Variants in SH3GL3 observed in about 807,000 individuals in gnomAD.
The protein encoded by SH3GL3 is endophilin-A3.
SH3GL3 carries 33 observed loss-of-function variants against 47.7 expected under a neutral mutation model. That is an observed-to-expected ratio of 0.69 (90% CI 0.52 to 0.92). The LOEUF is 0.92. Ranked by LOEUF, SH3GL3 falls within the 40% of genes least tolerant of loss-of-function variation. SH3GL3 has a pLI of 0.00. For synonymous variants in SH3GL3, 155 were observed against 148.8 expected (o/e 1.04, Z -0.30); for missense variants, 363 against 417.8 (o/e 0.87, Z 1.14).
intron 7 of SH3GL3, among the ~76,000 whole-genome samples, chr15:83,588,188 C>CACT (rs1379658494): frequency 6.6e-6 from 1 of 152,158 alleles, no homozygotes; most frequent in East Asian, 1.9e-4. Context: ...CATCTTGGCT[C>CACT]ACCGTAACCT....
At chr15:83,558,765 A>G (rs557933220) in intron 1 of SH3GL3, among the ~76,000 whole-genome samples, 1 of 152,298 alleles carries the variant, frequency 6.6e-6, no homozygotes, top group South Asian at 2.1e-4. Context: ...CTCAAATGCC[A>G]CATCTTCTAG....
rs533910548 is a variant in SH3GL3, at chr15:83,469,423, T to C, written c.45+21845T>C. Among the ~76,000 whole-genome samples the C allele has an allele frequency of 2.0e-5, 3 of 152,314 alleles. No homozygotes were observed. In the East Asian group the frequency reaches 5.8e-4, roughly 29 times the overall value. On this transcript the variant is annotated intron_variant, in intron 1 of 8. Coordinates refer to ENST00000427482, the MANE Select transcript of SH3GL3 (RefSeq NM_003027.5). ...TCTTGAGGGAAATGAGATTATTGAT[T>C]TGAGACCTTTTCTGTCTTCTAAGGT...
intron 6 of SH3GL3, among the ~76,000 whole-genome samples, chr15:83,583,318 A>G (rs529191718): frequency 3.7e-4 from 56 of 152,224 alleles, no homozygotes; most frequent in Admixed American, 6.5e-4. Context: ...CTGGTAAGGG[A>G]TTGCTAAAGG....
intron 1 of SH3GL3, among the ~76,000 whole-genome samples, chr15:83,512,748 C>T (rs972193563): frequency 2.0e-5 from 3 of 151,976 alleles, no homozygotes; most frequent in Non-Finnish European, 4.4e-5. Flanking sequence ...ATGTAGTCAG[C>T]GCTCTGTTTT....
chr15:83,557,356 A>G (rs1301389775), intron 1 of SH3GL3, among the ~76,000 whole-genome samples: 1 of 152,096 alleles, frequency 6.6e-6, no homozygotes, highest in Non-Finnish European at 1.5e-5. Flanking sequence ...TGGAAATGAA[A>G]TTTTTCATTT....
intron 1 of SH3GL3, among the ~76,000 whole-genome samples, chr15:83,549,192 TA>T (rs2044545097): frequency 6.6e-6 from 1 of 152,248 alleles, no homozygotes; most frequent in African/African-American, 2.4e-5. Flanking sequence ...ATAGTTACAT[TA>T]AAAATCATTT....
At chr15:83,630,331 A>T in the SH3GL3 span, among the ~76,000 whole-genome samples, 2 of 152,228 alleles carry the variant, frequency 1.3e-5, no homozygotes, top group African/African-American at 4.8e-5. Flanking sequence ...AAATTGATCA[A>T]TTGGACTTCA....
intron 1 of SH3GL3, among the ~76,000 whole-genome samples, chr15:83,487,344 C>T (rs144977629): frequency 1.2e-3 from 183 of 151,958 alleles, no homozygotes; most frequent in African/African-American, 4.3e-3. Flanking sequence ...GTATGTTCCT[C>T]TGTGCCTTGC....
intron 8 of SH3GL3, among the ~76,000 whole-genome samples, chr15:83,604,004 C>T (rs1474725773): frequency 6.6e-6 from 1 of 152,074 alleles, no homozygotes; most frequent in East Asian, 1.9e-4. Context: ...CATGGTGGCG[C>T]ATGCCTGTAA....
chr15:83,509,711 A>G (rs1201064846), intron 1 of SH3GL3, among the ~76,000 whole-genome samples: 6 of 152,190 alleles, frequency 3.9e-5, no homozygotes, highest in Non-Finnish European at 7.3e-5. Flanking sequence ...TGCTATTTTT[A>G]TGACGCCTCC....
downstream of SH3GL3, among the ~76,000 whole-genome samples, chr15:83,619,481 G>T (rs1055695306): frequency 6.6e-6 from 1 of 152,088 alleles, no homozygotes; most frequent in African/African-American, 2.4e-5. Context: ...ATACCTAGGC[G>T]ATGGGTTGGT....
At chr15:83,466,412 G>A (rs1190570540) in intron 1 of SH3GL3, among the ~76,000 whole-genome samples, 2 of 131,630 alleles carry the variant, frequency 1.5e-5, no homozygotes, top group African/African-American at 2.6e-5. Flanking sequence ...GCAATTGTTA[G>A]AATATATATA....
At chr15:83,457,520 T>C (rs964105205) in intron 1 of SH3GL3, among the ~76,000 whole-genome samples, 10 of 152,214 alleles carry the variant, frequency 6.6e-5, no homozygotes, top group African/African-American at 1.4e-4. Flanking sequence ...TCACTGACTA[T>C]ACAGGCTGGC....
At chr15:83,577,070 T>G (rs952781400) in intron 6 of SH3GL3, among the ~76,000 whole-genome samples, 6 of 151,618 alleles carry the variant, frequency 4.0e-5, no homozygotes, top group African/African-American at 1.5e-4. Flanking sequence ...ACCACCACAC[T>G]CGGCTAATTT....
intron 6 of SH3GL3, among the ~76,000 whole-genome samples, 155 bp downstream of exon 6, chr15:83,576,896 T>C (rs1219978757): frequency 9.3e-6 from 1 of 107,478 alleles, no homozygotes; most frequent in South Asian, 2.7e-4. Context: ...TAATAATAGC[T>C]GATGAGCTTA....
At chr15:83,505,255 TA>T (rs1368468544) in intron 1 of SH3GL3, among the ~76,000 whole-genome samples, 1 of 152,184 alleles carries the variant, frequency 6.6e-6, no homozygotes, top group Non-Finnish European at 1.5e-5. Context: ...ACTCGCTGGC[TA>T]AAGGACATCG....
intron 1 of SH3GL3, among the ~76,000 whole-genome samples, chr15:83,554,530 T>C (rs1281589516): frequency 1.3e-5 from 2 of 151,776 alleles, no homozygotes; most frequent in African/African-American, 2.4e-5. Context: ...TTCTAGATTT[T>C]TATTGCGCCA....
chr15:83,450,002 C>A (rs926250800), intron 1 of SH3GL3, among the ~76,000 whole-genome samples: 1 of 152,174 alleles, frequency 6.6e-6, no homozygotes, highest in African/African-American at 2.4e-5. Context: ...ACAGAACTTA[C>A]CTGGGGCAGG....
chr15:83,602,102 A>G (rs1255749091), intron 8 of SH3GL3, among the ~76,000 whole-genome samples: 1 of 152,178 alleles, frequency 6.6e-6, no homozygotes. Context: ...TGCCATCTTC[A>G]TCATATGGCT....
Sources: gnomAD v4.1 joint callset for allele counts (sites outside exome capture counted in the v4.1 genomes callset) on GRCh38, gnomAD v4.1.1 for gene constraint, MANE v1.5 for transcripts, NCBI Gene and HGNC (gene_info 2026-07-23, HGNC 2026-07-21) for gene names.